The following SNX25 variants were observed in gnomAD, a reference collection of about 807,000 sequenced individuals.
SNX25 encodes the protein sorting nexin 25, also known as sorting nexin-25.
SNX25 carries 62 observed loss-of-function variants against 113.7 expected under a neutral mutation model. The observed-to-expected ratio is 0.55, with a 90% CI of 0.44 to 0.67. The LOEUF is 0.67. Ranked by LOEUF, SNX25 falls within the 30% of genes least tolerant of loss-of-function variation. SNX25 has a pLI of 0.00. For missense variants in SNX25, 1,014 were observed against 1,161.0 expected (o/e 0.87, Z 1.84); for synonymous variants, 421 against 436.2 (o/e 0.97, Z 0.43).
chr4:185,235,826 C>T (rs983621872), intron 1 of SNX25, among the ~76,000 whole-genome samples: 3 of 152,304 alleles, frequency 2.0e-5, no homozygotes, highest in African/African-American at 7.2e-5. Flanking sequence ...TTGAGCCCTG[C>T]GGAGACTGTC....
intron 2 of SNX25, among the ~76,000 whole-genome samples, chr4:185,255,787 T>C (rs1304055962): frequency 2.0e-5 from 3 of 152,202 alleles, no homozygotes; most frequent in Admixed American, 2.0e-4. Context: ...GTTACTTCAC[T>C]TCTTTGAGCC....
At chr4:185,378,109 T>C in the SNX25 span, 1 of 1,613,524 alleles carries the variant, frequency 6.2e-7, no homozygotes, top group African/African-American at 1.3e-5. Flanking sequence ...ACTGGAAAAA[T>C]TTTTGGTTTT....
chr4:185,269,884 A>G lies in SNX25; in HGVS notation c.1091+2729A>G, dbSNP rs534272727. ...TCCTGATTTTTTAAAAATCAGAACTAGTTATTTTGAATGATCTACCACTGG... is the reference window on the plus strand; with the variant it reads ...TCCTGATTTTTTAAAAATCAGAACTGGTTATTTTGAATGATCTACCACTGG... On this transcript the variant is annotated intron_variant, in intron 5 of 18. Coordinates refer to ENST00000652585, the MANE Select transcript of SNX25 (RefSeq NM_001378034.2). 3.9e-5 allele frequency among the ~76,000 whole-genome samples: 6 copies of G among 152,262 alleles called. No individual in the cohort carries two copies. The East Asian group carries it at 9.7e-4, about 24-fold the overall frequency.
At chr4:185,291,930 A>G (rs192455714) in intron 6 of SNX25, among the ~76,000 whole-genome samples, 14 of 152,316 alleles carry the variant, frequency 9.2e-5, no homozygotes, top group Admixed American at 3.9e-4. Context: ...AACCCACTGC[A>G]TTATAACTGG....
At position 185,346,568 on chromosome 4, in the gene SNX25, C is replaced by T; in HGVS notation, c.2219C>T (p.Pro740Leu). The change falls in exon 13 of 19, where the codon CCT becomes CTT. Residue 740 changes from proline (P) to leucine (L), a missense_variant. Coordinates refer to ENST00000652585, the MANE Select transcript of SNX25 (RefSeq NM_001378034.2). ...CCTTCTTTAAAAAAAGTCCAGTTGC[C>T]TTCTCTTAGCAAGCTGCCTTTCAAA... ...CVPSLKKVQLPSLSKLPFKSI... is the reference protein window; with the variant it reads ...CVPSLKKVQLLSLSKLPFKSI... 6.3e-7 allele frequency: 1 copy of T among 1,596,776 alleles called. No individual in the cohort carries two copies. Among genetic ancestry groups the T allele is most frequent in the Non-Finnish European group, 8.5e-7 (1 of 1,175,580 alleles).
chr4:185,215,095 T>TG (rs1553981601), intron 1 of SNX25, among the ~76,000 whole-genome samples: 4 of 151,958 alleles, frequency 2.6e-5, no homozygotes, highest in East Asian at 3.9e-4. Flanking sequence ...CCGGGCGTGG[T>TG]GCGGGCGCCT....
intron 10 of SNX25, 59 bp downstream of exon 10, chr4:185,332,818 T>C: frequency 1.3e-6 from 2 of 1,547,744 alleles, no homozygotes; most frequent in Non-Finnish European, 1.8e-6. Context: ...TTTGGTAGTT[T>C]TCAGTTGAGG....
chr4:185,239,622 T>C (rs1370317443), intron 1 of SNX25, among the ~76,000 whole-genome samples: 1 of 152,192 alleles, frequency 6.6e-6, no homozygotes, highest in South Asian at 2.1e-4. Flanking sequence ...TTCAAATAGG[T>C]TTAAATCTTA....
At chr4:185,222,170 C>T (rs939528665) in intron 1 of SNX25, among the ~76,000 whole-genome samples, 1 of 151,304 alleles carries the variant, frequency 6.6e-6, no homozygotes, top group Non-Finnish European at 1.5e-5. Context: ...ACCATATACC[C>T]CTCCTTCATG....
Position 185,355,497 on chromosome 4 carries a change from A to G in SNX25, c.2584+1895A>G, listed in dbSNP as rs1258429995. On this transcript the variant is annotated intron_variant, in intron 15 of 18. Transcript: ENST00000652585. ...CCAAAAATGTAATTCACATTAAGCAATAGACAAAGTTAAATTCTAAAGTGC... is the reference window on the plus strand; with the variant it reads ...CCAAAAATGTAATTCACATTAAGCAGTAGACAAAGTTAAATTCTAAAGTGC... Among the ~76,000 whole-genome samples, 6 of 152,378 alleles carry G rather than the reference A, an allele frequency of 3.9e-5. No individual in the cohort carries two copies. The East Asian group carries it at 1.2e-3, about 29-fold the overall frequency.
intron 12 of SNX25, among the ~76,000 whole-genome samples, chr4:185,343,614 T>C (rs2095270931): frequency 6.6e-6 from 1 of 152,238 alleles, no homozygotes; most frequent in South Asian, 2.1e-4. Flanking sequence ...GGAATCTTAC[T>C]TTTAGATTAT....
chr4:185,378,358 A>C, the SNX25 span: 1 of 1,427,334 alleles, frequency 7.0e-7, no homozygotes. Context: ...GGACGTGAAC[A>C]TTCTTTACTA....
intron 13 of SNX25, among the ~76,000 whole-genome samples, chr4:185,348,714 G>A (rs540712149): frequency 7.9e-5 from 12 of 152,140 alleles, no homozygotes; most frequent in East Asian, 3.9e-4. Flanking sequence ...TCATTTCTTC[G>A]TGGTGAGAAC....
chr4:185,240,923 G>A (rs1445106177), intron 1 of SNX25, among the ~76,000 whole-genome samples: 5 of 151,150 alleles, frequency 3.3e-5, no homozygotes, highest in Non-Finnish European at 5.9e-5. Context: ...GACGATGGGC[G>A]GCCTGGCAGA....
intron 6 of SNX25, among the ~76,000 whole-genome samples, chr4:185,297,790 C>T (rs1430436141): frequency 2.6e-5 from 4 of 152,066 alleles, no homozygotes; most frequent in African/African-American, 9.7e-5. Flanking sequence ...GCTCTAACTC[C>T]ATCATGGGGC....
intron 9 of SNX25, 58 bp from the exon 10 acceptor site, chr4:185,332,534 GATA>G: frequency 6.8e-7 from 1 of 1,464,720 alleles, no homozygotes. Flanking sequence ...TATCGTGACC[GATA>G]ATAATTACTG....
chr4:185,209,610 G>A lies in SNX25; in HGVS notation c.-217G>A. On this transcript the variant is annotated 5_prime_UTR_variant, in exon 1 of 19. In the 5' UTR this introduces an upstream ATG that the reference lacks. Transcript: ENST00000652585. The surrounding 1 kb of genome is among the most constrained non-coding windows in gnomAD (Gnocchi z 5.2). ...CTGGCCAGGCTTCAGTCACAACACG[G>A]TGGGGCTCCCTGGCTGCGCCCGGCC... The A allele has an allele frequency of 2.3e-6, 1 of 434,596 alleles. No homozygotes were observed. Among genetic ancestry groups the A allele is most frequent in the South Asian group, 9.6e-5 (1 of 10,464 alleles). 26.9% of individuals were successfully genotyped at this position (434,596 alleles called of 1,614,324 possible).
At chr4:185,246,600 A>C (rs1244278529) in intron 1 of SNX25, among the ~76,000 whole-genome samples, 1 of 152,158 alleles carries the variant, frequency 6.6e-6, no homozygotes, top group African/African-American at 2.4e-5. Context: ...GAGTCTCTGT[A>C]TATTTAATGA....
At chr4:185,284,135 T>G (rs866076078) in intron 5 of SNX25, among the ~76,000 whole-genome samples, 2 of 152,226 alleles carry the variant, frequency 1.3e-5, no homozygotes, top group African/African-American at 4.8e-5. Flanking sequence ...CTCCTGTGTT[T>G]AAGAGACTCT....
Sources: allele counts gnomAD v4.1 joint callset (sites outside exome capture counted in the v4.1 genomes callset), GRCh38; gene constraint gnomAD v4.1.1; non-coding constraint Gnocchi (gnomAD v3.1); transcripts MANE v1.5; gene names NCBI Gene and HGNC (gene_info 2026-07-23, HGNC 2026-07-21).